HUWE1: variants seen among roughly 807,000 people sequenced by gnomAD.
The protein encoded by HUWE1 is HECT, UBA and WWE domain containing E3 ubiquitin protein ligase 1, also known as E3 ubiquitin-protein ligase HUWE1.
In HUWE1, 18 loss-of-function variants were observed where a neutral mutation model predicts 299.4. The ratio of observed to expected loss-of-function variants is 0.06; its 90% confidence interval spans 0.04 to 0.09. The LOEUF is 0.09. HUWE1 is among the 10% of genes least tolerant of loss of function. HUWE1 has a pLI of 1.00. For synonymous variants in HUWE1, 1,317 were observed against 1,286.1 expected, an observed-to-expected ratio of 1.02 and a Z score of -0.51; for missense variants, 1,832 against 3,462.3, an observed-to-expected ratio of 0.53 and a Z score of 11.82.
intron 7 of HUWE1, among the ~76,000 whole-genome samples, chrX:53,639,054 C>CAATAA (rs1557028559): frequency 8.9e-6 from 1 of 112,068 alleles, no homozygotes; most frequent in South Asian, 3.7e-4. Flanking sequence ...TTGAAAACAT[C>CAATAA]ACATACAAAA....
Position 53,602,034 on chromosome X carries a change from T to C in HUWE1, c.2971+530A>G, listed in dbSNP as rs782689878. On this transcript the variant is annotated intron_variant, in intron 28 of 83. Coordinates refer to ENST00000262854, the MANE Select transcript of HUWE1 (RefSeq NM_031407.7). The stretch of plus-strand genomic sequence containing the variant: ...CTTCTTTATAAAACAGCACTGTCGA[T>C]AGAAATATAACATGAAACACATATA... Among the ~76,000 whole-genome samples, 10 of 111,836 alleles carry C rather than the reference T, an allele frequency of 8.9e-5. No homozygotes were observed. In the East Asian group the frequency reaches 2.2e-3, roughly 25 times the overall value.
chrX:53,544,441 C>T (rs2061472374), intron 72 of HUWE1, 119 bp downstream of exon 72: 5 of 561,071 alleles, frequency 8.9e-6, no homozygotes, highest in Non-Finnish European at 1.5e-5. Flanking sequence ...AAAGGATAAT[C>T]ATTTTCCTTT....
chrX:53,556,961 G>A (rs1295942555), intron 60 of HUWE1, among the ~76,000 whole-genome samples: 1 of 112,281 alleles, frequency 8.9e-6, no homozygotes, highest in Non-Finnish European at 1.9e-5. Flanking sequence ...TTTCCACAGA[G>A]GACTGGCATT....
At chrX:53,548,891 T>C (rs1321493437) in intron 67 of HUWE1, 68 bp downstream of exon 67, 1 of 971,063 alleles carries the variant, frequency 1.0e-6, no homozygotes, top group Non-Finnish European at 1.4e-6. Flanking sequence ...TGCTTAGTGT[T>C]CAACTTTCAC....
chrX:53,625,130 CA>C (rs1159163890), intron 18 of HUWE1, 26 bp downstream of exon 18: 3 of 989,155 alleles, frequency 3.0e-6, no homozygotes, highest in East Asian at 6.1e-5. Flanking sequence ...AAATATCCTC[CA>C]AAAAAAGTTA....
intron 46 of HUWE1, among the ~76,000 whole-genome samples, chrX:53,574,641 G>A (rs2063010437): frequency 8.9e-6 from 1 of 112,041 alleles, no homozygotes; most frequent in South Asian, 3.7e-4. Flanking sequence ...TTTATCTCCA[G>A]GAACTAGTAT....
rs368383679 is a variant in HUWE1 at position 53,587,563 on chromosome X, T to A, written c.4615-654A>T. On this transcript the variant is annotated intron_variant, in intron 37 of 83. Coordinates refer to ENST00000262854, the MANE Select transcript of HUWE1 (RefSeq NM_031407.7). ...AAAACACTAAAAGAAAATACAAGAC[T>A]GTTACTTGTGATTTGTTTTAGATGG... Among the ~76,000 whole-genome samples the A allele has an allele frequency of 5.3e-5, 6 of 112,150 alleles. No homozygotes were observed. The East Asian group carries it at 1.7e-3, about 31-fold the overall frequency.
chrX:53,588,961 G>A (rs1556976050), intron 36 of HUWE1, among the ~76,000 whole-genome samples: 1 of 112,061 alleles, frequency 8.9e-6, no homozygotes, highest in East Asian at 2.8e-4. Flanking sequence ...TTGTGTTCTT[G>A]TGCATTAAAG....
chrX:53,587,846 C>T (rs187506897), intron 37 of HUWE1, among the ~76,000 whole-genome samples: 121 of 111,949 alleles, frequency 1.1e-3, no homozygotes, highest in Non-Finnish European at 2.1e-3. Flanking sequence ...CTAGTTCCTA[C>T]GTTGGTTGGA....
intron 18 of HUWE1, among the ~76,000 whole-genome samples, chrX:53,624,885 A>G (rs782410976): frequency 1.8e-5 from 2 of 112,254 alleles, no homozygotes; most frequent in African/African-American, 6.5e-5. Flanking sequence ...GAAAGAACAC[A>G]AACACTTAAG....
chrX:53,659,815 C>T (rs1436334796), intron 3 of HUWE1, among the ~76,000 whole-genome samples: 6 of 111,547 alleles, frequency 5.4e-5, no homozygotes. Context: ...AATTTCTGTA[C>T]CTTCTGCTCG....
At chrX:53,650,132 C>T (rs1395718555) in intron 4 of HUWE1, among the ~76,000 whole-genome samples, 1 of 112,162 alleles carries the variant, frequency 8.9e-6, no homozygotes, top group South Asian at 3.7e-4. Context: ...TTTCTAGATC[C>T]AAACCTTACT....
At chrX:53,578,854 T>G (rs1387348286) in intron 43 of HUWE1, among the ~76,000 whole-genome samples, 38 of 22,784 alleles carry the variant, frequency 1.7e-3, no homozygotes, top group East Asian at 3.7e-3. Flanking sequence ...GGGAGGGAGG[T>G]GGGGGGTCAG....
intron 6 of HUWE1, among the ~76,000 whole-genome samples, chrX:53,646,085 G>A (rs782715190): frequency 7.2e-5 from 8 of 110,703 alleles, no homozygotes; most frequent in South Asian, 3.9e-4. Flanking sequence ...ATAACAGCTC[G>A]TGGCAATTAT....
intron 33 of HUWE1, 33 bp from the exon 34 acceptor site, chrX:53,591,155 T>C (rs782478637): frequency 1.7e-6 from 2 of 1,199,544 alleles, no homozygotes; most frequent in African/African-American, 3.5e-5. Flanking sequence ...CAGAATCACA[T>C]AACGGAAATC....
intron 49 of HUWE1, among the ~76,000 whole-genome samples, chrX:53,566,108 T>C (rs952100229): frequency 1.7e-4 from 8 of 48,480 alleles, no homozygotes; most frequent in Admixed American, 6.1e-4. Context: ...TGTATGTATG[T>C]ATGTATGTAT....
Position 53,631,186 on chromosome X carries a change from G to A in HUWE1, c.763-152C>T. 14 of 494,222 alleles carry A rather than the reference G, an allele frequency of 2.8e-5. No individual in the cohort carries two copies. In the South Asian group the frequency reaches 3.6e-4, roughly 13 times the overall value. The allele number at this position is 494,222 out of a possible 1,213,427, so 40.7% of individuals were successfully genotyped here. ...CTACCACCACTTATTACCTGCTCAC[G>A]GTGAGGTAGTTTATGTTTTCCTCAA... On this transcript the variant is annotated intron_variant, in intron 11 of 83. Transcript: ENST00000262854.
chrX:53,683,961 G>A, intron 2 of HUWE1: 1 of 294,265 alleles, frequency 3.4e-6, no homozygotes, highest in East Asian at 4.8e-5. Context: ...CGAAGACCTT[G>A]CCGCCGCCTC....
At position 53,533,097 on chromosome X, in the gene HUWE1, G is replaced by A; in HGVS notation, c.*212C>T. On this transcript the variant is annotated 3_prime_UTR_variant, in exon 84 of 84. Coordinates refer to ENST00000262854, the MANE Select transcript of HUWE1 (RefSeq NM_031407.7). ...GTGGGGATCATGGACGGCATGGAAA[G>A]GGGAGAGAAGGTGAGGAAACAGGCG... 1.4e-5 allele frequency: 6 copies of A among 433,015 alleles called. No homozygotes were observed. The highest frequency in any genetic ancestry group is 2.5e-5 in the Non-Finnish European group (6 of 243,369). 35.7% of individuals were successfully genotyped at this position (433,015 alleles called of 1,213,427 possible).
Sources: allele counts gnomAD v4.1 joint callset (sites outside exome capture counted in the v4.1 genomes callset), GRCh38; gene constraint gnomAD v4.1.1; transcripts MANE v1.5; gene names NCBI Gene and HGNC (gene_info 2026-07-23, HGNC 2026-07-21).